Variants in TOX observed in about 807,000 individuals in gnomAD.
TOX encodes the protein thymocyte selection-associated high mobility group box protein TOX.
A neutral mutation model predicts 53.7 loss-of-function variants in TOX; 11 were observed. The ratio of observed to expected loss-of-function variants is 0.20; its 90% CI spans 0.13 to 0.34. The LOEUF (loss-of-function observed/expected upper bound fraction) is 0.34, where lower values mean the gene tolerates loss of function less well. Among genes scored for constraint, TOX ranks in the 10% least tolerant of loss-of-function variants. The probability of loss-of-function intolerance (pLI) is 1.00; values close to 1 mark genes in which losing one functional copy is unlikely to be tolerated. For synonymous variants in TOX, 225 were observed against 245.3 expected (o/e 0.92, Z 0.77); for missense variants, 570 against 664.6 (o/e 0.86, Z 1.56).
intron 6 of TOX, among the ~76,000 whole-genome samples, chr8:58,819,621 C>T (rs988960889): frequency 6.6e-6 from 1 of 152,174 alleles, no homozygotes; most frequent in Admixed American, 6.6e-5. Context: ...CTTTTACTAA[C>T]CAAATTGTTG....
intron 4 of TOX, among the ~76,000 whole-genome samples, chr8:58,850,648 G>A (rs887012617): frequency 6.6e-6 from 1 of 152,174 alleles, no homozygotes; most frequent in African/African-American, 2.4e-5. Context: ...CTAAAAATTA[G>A]CTAGCCCTGA....
intron 2 of TOX, among the ~76,000 whole-genome samples, chr8:58,955,399 G>A (rs1812693882): frequency 1.3e-5 from 2 of 152,124 alleles, no homozygotes; most frequent in African/African-American, 2.4e-5. Flanking sequence ...GGAAGGTGGT[G>A]GGGAAGGAGG....
chr8:59,042,818 T>C (rs1803615448), intron 1 of TOX, among the ~76,000 whole-genome samples: 1 of 152,218 alleles, frequency 6.6e-6, no homozygotes, highest in African/African-American at 2.4e-5. Flanking sequence ...TTCTTTTATA[T>C]TGTAAATTAG....
intron 1 of TOX, among the ~76,000 whole-genome samples, chr8:59,053,966 T>G (rs772690966): frequency 1.3e-5 from 2 of 152,168 alleles, no homozygotes; most frequent in Non-Finnish European, 2.9e-5. Context: ...TTTTTTAACT[T>G]TGCATCTGGA....
chr8:59,092,021 A>G (rs1804614920), intron 1 of TOX, among the ~76,000 whole-genome samples: 1 of 151,688 alleles, frequency 6.6e-6, no homozygotes, highest in African/African-American at 2.4e-5. Context: ...AGGCTGGGGC[A>G]TGTGGATTGC....
At chr8:58,965,311 G>T (rs1283641118) in intron 1 of TOX, among the ~76,000 whole-genome samples, 1 of 152,074 alleles carries the variant, frequency 6.6e-6, no homozygotes, top group East Asian at 1.9e-4. Flanking sequence ...CATATAAAAA[G>T]TCATTTATAA....
chr8:58,953,201 A>G (rs1812653658), intron 2 of TOX, among the ~76,000 whole-genome samples: 1 of 152,308 alleles, frequency 6.6e-6, no homozygotes, highest in Admixed American at 6.5e-5. Flanking sequence ...GTTGGCCAAC[A>G]AAATAAGCAG....
chr8:59,103,640 A>AT (rs1563447536), intron 1 of TOX, among the ~76,000 whole-genome samples: 1 of 152,202 alleles, frequency 6.6e-6, no homozygotes, highest in Non-Finnish European at 1.5e-5. Flanking sequence ...CCTCCCATTC[A>AT]TTAGGGCACT....
chr8:58,983,970 G>A (rs1813275764), intron 1 of TOX, among the ~76,000 whole-genome samples: 2 of 152,334 alleles, frequency 1.3e-5, no homozygotes, highest in African/African-American at 4.8e-5. Flanking sequence ...GTACTAGGGT[G>A]AGGCATATTT....
chr8:58,871,380 A>G (rs1265420965), intron 3 of TOX, among the ~76,000 whole-genome samples: 2 of 152,144 alleles, frequency 1.3e-5, no homozygotes, highest in African/African-American at 4.8e-5. Flanking sequence ...AACCTCATAC[A>G]AAGTAAACCA....
intron 3 of TOX, among the ~76,000 whole-genome samples, chr8:58,936,309 A>G (rs143688640): frequency 4.8e-4 from 73 of 152,160 alleles, no homozygotes; most frequent in Admixed American, 2.6e-4. Flanking sequence ...TACCTTTTCT[A>G]CTAAGTTTTA....
chr8:58,841,452 C>T (rs1416565220), intron 4 of TOX, among the ~76,000 whole-genome samples: 1 of 152,154 alleles, frequency 6.6e-6, no homozygotes, highest in East Asian at 1.9e-4. Flanking sequence ...GCCACTCTTA[C>T]ATTCACAATC....
intron 1 of TOX, among the ~76,000 whole-genome samples, chr8:59,011,315 G>C (rs77206554): frequency 0.071 from 10,756 of 152,228 alleles, 496 homozygotes; most frequent in Middle Eastern, 0.15. Flanking sequence ...TAAGCACAAT[G>C]AGCAGCTTTT....
intron 1 of TOX, among the ~76,000 whole-genome samples, chr8:59,095,859 C>T (rs1586016961): frequency 6.6e-6 from 1 of 152,194 alleles, no homozygotes; most frequent in East Asian, 1.9e-4. Context: ...TTCAGCAGAA[C>T]TGATGTGTTG....
chr8:59,057,989 T>A (rs17244540), intron 1 of TOX, among the ~76,000 whole-genome samples: 24,695 of 152,146 alleles, frequency 0.16, 2,328 homozygotes, highest in Non-Finnish European at 0.22. Context: ...GGACTACAGG[T>A]CAATCCAGGC....
chr8:58,956,354 G>T (rs560346933), intron 2 of TOX, among the ~76,000 whole-genome samples: 196 of 152,268 alleles, frequency 1.3e-3, no homozygotes, highest in African/African-American at 4.4e-3. Flanking sequence ...AAAAGTCAGG[G>T]CTGAGGTGGG....
intron 1 of TOX, among the ~76,000 whole-genome samples, chr8:59,002,842 C>A (rs894419018): frequency 6.6e-6 from 1 of 152,156 alleles, no homozygotes; most frequent in African/African-American, 2.4e-5. Context: ...AATGAATGCA[C>A]TACAGTTCAA....
At chr8:58,826,796 C>T (rs1255721839) in intron 6 of TOX, 26 bp downstream of exon 6, 2 of 1,583,140 alleles carry the variant, frequency 1.3e-6, no homozygotes, top group East Asian at 4.6e-5. Context: ...CACAATCCTT[C>T]ACAATATCAC....
At chr8:58,891,458 T>G (rs1207991203) in intron 3 of TOX, among the ~76,000 whole-genome samples, 2 of 152,136 alleles carry the variant, frequency 1.3e-5, no homozygotes, top group Non-Finnish European at 2.9e-5. Flanking sequence ...TGATGTGTAA[T>G]TTTAAGACAA....
Sources: gnomAD v4.1 joint callset for allele counts (sites outside exome capture counted in the v4.1 genomes callset) on GRCh38, gnomAD v4.1.1 for gene constraint, MANE v1.5 for transcripts, NCBI Gene and HGNC (gene_info 2026-07-23, HGNC 2026-07-21) for gene names.